CXXC4: variants seen among roughly 807,000 people sequenced by gnomAD.
CXXC4 encodes the protein CXXC finger protein 4, also known as CXXC-type zinc finger protein 4.
A neutral mutation model predicts 20.5 loss-of-function variants in CXXC4; 5 were observed. The ratio of observed to expected loss-of-function variants is 0.24; its 90% CI spans 0.13 to 0.51. CXXC4 has a LOEUF of 0.51. Ranked by LOEUF, CXXC4 falls within the 20% of genes least tolerant of loss-of-function variation. The pLI is 0.97. For synonymous variants in CXXC4, 250 were observed against 216.4 expected (o/e 1.16, Z -1.36); for missense variants, 419 against 496.4 (o/e 0.84, Z 1.48).
chr4:104,486,215 T>C (rs1256739075), intron 2 of CXXC4, among the ~76,000 whole-genome samples: 1 of 152,132 alleles, frequency 6.6e-6, no homozygotes, highest in Non-Finnish European at 1.5e-5. Context: ...TAAAAATGTA[T>C]GTACGCTTTG....
At chr4:104,493,221 G>A (rs1736949025) in intron 1 of CXXC4, among the ~76,000 whole-genome samples, 1 of 152,124 alleles carries the variant, frequency 6.6e-6, no homozygotes, top group African/African-American at 2.4e-5. Flanking sequence ...ATTACAGAGG[G>A]AGAAGTACAT....
chr4:104,491,842 G>T lies in CXXC4; in HGVS notation c.-40C>A. On this transcript the variant is annotated 5_prime_UTR_variant, in exon 2 of 3. Coordinates refer to ENST00000394767, the MANE Select transcript of CXXC4 (RefSeq NM_025212.4). ...AGAAGGGGTGCAGGGTGGAAGTGGGGACCGCCTGGTCCGACACCTGGGTGG... is the reference window on the plus strand; with the variant it reads ...AGAAGGGGTGCAGGGTGGAAGTGGGTACCGCCTGGTCCGACACCTGGGTGG... 1.0e-6 allele frequency: 1 copy of T among 985,452 alleles called. No homozygotes were observed. The highest frequency in any genetic ancestry group is 1.2e-6 in the Non-Finnish European group (1 of 820,900). The allele number at this position is 985,452 out of a possible 1,614,324, so 61.0% of individuals were successfully genotyped here. A position where few individuals can be genotyped will look rare whatever the true frequency, so the allele number is the denominator to read the frequency against.
chr4:104,480,309 T>C (rs1242290522), intron 2 of CXXC4, among the ~76,000 whole-genome samples: 3 of 152,170 alleles, frequency 2.0e-5, no homozygotes, highest in African/African-American at 7.2e-5. Flanking sequence ...GATGTAGTGA[T>C]TGATATCCTT....
At chr4:104,493,925 T>G (rs1736972978) in intron 1 of CXXC4, among the ~76,000 whole-genome samples, 1 of 152,158 alleles carries the variant, frequency 6.6e-6, no homozygotes, top group African/African-American at 2.4e-5. Flanking sequence ...TTTTCAACCT[T>G]TTAGTCTTTT....
Position 104,491,883 on chromosome 4 carries a change from G to T in CXXC4, c.-81C>A, listed in dbSNP as rs534367529. 25 of 355,958 alleles carry T rather than the reference G, an allele frequency of 7.0e-5. No homozygotes were observed. The highest frequency in any genetic ancestry group is 3.1e-4 in the East Asian group (3 of 9,564). 22.0% of individuals were successfully genotyped at this position (355,958 alleles called of 1,614,324 possible). On this transcript the variant is annotated 5_prime_UTR_variant, in exon 2 of 3. Coordinates refer to ENST00000394767, the MANE Select transcript of CXXC4 (RefSeq NM_025212.4). ...ACCTGGGTGGAAAAGGGGGAAAGGT[G>T]GGGGGGAGGGAAGGGAGTGATGGTG... is the stretch of plus-strand genomic sequence containing the variant.
chr4:104,470,747 T>C lies in CXXC4; in HGVS notation c.*1575A>G, dbSNP rs554785557. ...ACAAAGAACAAAAAGTTGCAGTAGG[T>C]AACTTTGATACTCTACATATTTTTG... On this transcript the variant is annotated 3_prime_UTR_variant, in exon 3 of 3. Transcript: ENST00000394767. 1 of 152,186 alleles carries C rather than the reference T, an allele frequency of 6.6e-6. No homozygotes were observed. Among genetic ancestry groups the C allele is most frequent in the South Asian group, 2.1e-4 (1 of 4,828 alleles). 9.4% of individuals were successfully genotyped at this position (152,186 alleles called of 1,614,324 possible).
At chr4:104,481,468 G>C (rs1235124497) in intron 2 of CXXC4, among the ~76,000 whole-genome samples, 1 of 151,936 alleles carries the variant, frequency 6.6e-6, no homozygotes, top group Non-Finnish European at 1.5e-5. Flanking sequence ...AGGAAGTAGA[G>C]GTTGCAATGA....
chr4:104,472,222 C>G lies in CXXC4; in HGVS notation c.*100G>C. On this transcript the variant is annotated 3_prime_UTR_variant, in exon 3 of 3. Transcript: ENST00000394767. ...CCTATACATAAAATGAAAATAATTTCTGGATATTTTCTTCAGTGGTGGACT... is the reference window on the plus strand; with the variant it reads ...CCTATACATAAAATGAAAATAATTTGTGGATATTTTCTTCAGTGGTGGACT... 1.9e-6 allele frequency: 1 copy of G among 513,368 alleles called. No individual in the cohort carries two copies. Among genetic ancestry groups the G allele is most frequent in the Non-Finnish European group, 3.3e-6 (1 of 305,878 alleles). The allele number at this position is 513,368 out of a possible 1,614,324, so 31.8% of individuals were successfully genotyped here.
chr4:104,479,629 C>A (rs1736503124), intron 2 of CXXC4, among the ~76,000 whole-genome samples: 1 of 152,070 alleles, frequency 6.6e-6, no homozygotes, highest in African/African-American at 2.4e-5. Flanking sequence ...AACATTAATT[C>A]TAAATATTTC....
intron 2 of CXXC4, among the ~76,000 whole-genome samples, chr4:104,490,403 C>T (rs187365860): frequency 1.0e-3 from 158 of 152,312 alleles, no homozygotes; most frequent in Non-Finnish European, 1.7e-3. Flanking sequence ...GGGCAAGATG[C>T]CCCACCCTTT....
intron 2 of CXXC4, among the ~76,000 whole-genome samples, chr4:104,479,653 C>T (rs937157267): frequency 1.3e-5 from 2 of 152,066 alleles, no homozygotes; most frequent in African/African-American, 4.8e-5. Flanking sequence ...CAACTAGATG[C>T]TATCACCAAA....
chr4:104,491,643 C>T lies in CXXC4; in HGVS notation c.160G>A (p.Gly54Arg), dbSNP rs1319370300. 2 of 1,542,084 alleles carry T rather than the reference C, an allele frequency of 1.3e-6. No individual in the cohort carries two copies. The highest frequency in any genetic ancestry group is 2.5e-5 in the East Asian group (1 of 39,922). Residue 54 changes from glycine (G) to arginine (R), a missense_variant, in exon 2 of 3, where the codon GGG becomes AGG. This residue lies in a region of CXXC4 where 388 missense variants were observed against 416.0 expected (regional missense o/e 0.93). Coordinates refer to ENST00000394767, the MANE Select transcript of CXXC4 (RefSeq NM_025212.4). ...TTGGCCGCCTGTGGGAAGGCGCCCC[C>T]GTTGGTCTTGTAGAAGGAGGTGGCA... ...SFATSFYKTNGGAFPQAAKIA... is the reference protein window; with the variant it reads ...SFATSFYKTNRGAFPQAAKIA...
At chr4:104,477,796 T>G (rs1736452836) in intron 2 of CXXC4, among the ~76,000 whole-genome samples, 1 of 152,084 alleles carries the variant, frequency 6.6e-6, no homozygotes, top group Admixed American at 6.6e-5. Context: ...CCTCACTTTT[T>G]TCTTCTGCTC....
Position 104,482,377 on chromosome 4 carries a change from T to C in CXXC4, c.1059+8367A>G, listed in dbSNP as rs141156470. On this transcript the variant is annotated intron_variant, in intron 2 of 2. Coordinates refer to ENST00000394767, the MANE Select transcript of CXXC4 (RefSeq NM_025212.4). ...AAAGAAGAGCTAATGTATTTCTCTT[T>C]CGATGGAAATAAGCCAAAGTTCTCT... is the stretch of plus-strand genomic sequence containing the variant. 5.3e-3 allele frequency among the ~76,000 whole-genome samples: 802 copies of C among 152,280 alleles called. 5 individuals carry two copies. The highest frequency in any genetic ancestry group is 0.017 in the Middle Eastern group (5 of 294).
intron 2 of CXXC4, among the ~76,000 whole-genome samples, chr4:104,474,399 G>A (rs1465255271): frequency 6.6e-6 from 1 of 151,922 alleles, no homozygotes; most frequent in Non-Finnish European, 1.5e-5. Flanking sequence ...TCATTATTAA[G>A]AAGCTACATG....
chr4:104,492,201 A>ACCCCCCCCCCCGC (rs1162003749), intron 1 of CXXC4, 142 bp from the exon 2 acceptor site: 1 of 109,506 alleles, frequency 9.1e-6, no homozygotes, highest in Non-Finnish European at 1.9e-5. Context: ...TCAAGACGTG[A>ACCCCCCCCCCCGC]CCCCCCCCAG....
chr4:104,478,285 A>G (rs966813621), intron 2 of CXXC4, among the ~76,000 whole-genome samples: 2 of 152,150 alleles, frequency 1.3e-5, no homozygotes, highest in Non-Finnish European at 2.9e-5. Context: ...TTTAGAAGGT[A>G]AACCTAGCTA....
intron 2 of CXXC4, among the ~76,000 whole-genome samples, chr4:104,487,045 T>C (rs1489332869): frequency 6.6e-6 from 1 of 152,190 alleles, no homozygotes; most frequent in South Asian, 2.1e-4. Flanking sequence ...TCAACCTAAC[T>C]TGTGGAAAAA....
In CXXC4 at chr4:104,491,342, G is replaced by C. The variant is rs1226755385; in HGVS notation, c.461C>G (p.Pro154Arg). The change falls in exon 2 of 3, where the codon CCC (proline) becomes CGC (arginine). Residue 154 changes from proline (P) to arginine (R), a missense_variant. By Grantham distance (103) the Pro-to-Arg change is moderately radical. Around this residue, in one of 3 missense-constraint regions of CXXC4, gnomAD observed 388 missense variants for 416.0 expected, o/e 0.93. Transcript: ENST00000394767. ...SSASSSSAILPAGGGGGGGGG... is the reference protein window; with the variant it reads ...SSASSSSAILRAGGGGGGGGG... ...GCCGCCGCCGCCGCCACCGCCGGCG[G>C]GGAGGATCGCCGAGGAGGAGGAGGC... The C allele has an allele frequency of 1.3e-6, 2 of 1,541,974 alleles. No individual in the cohort carries two copies. Among genetic ancestry groups the C allele is most frequent in the South Asian group, 1.2e-5 (1 of 83,310 alleles).
Sources: gnomAD v4.1 joint callset for allele counts (sites outside exome capture counted in the v4.1 genomes callset) on GRCh38, gnomAD v4.1.1 for gene constraint, gnomAD v4.1.1 regional missense constraint, MANE v1.5 for transcripts, NCBI Gene and HGNC (gene_info 2026-07-23, HGNC 2026-07-21) for gene names.